ZMYND11: variants seen among roughly 807,000 people sequenced by gnomAD.
The protein encoded by ZMYND11 is zinc finger MYND domain-containing protein 11.
In ZMYND11, 9 loss-of-function variants were observed where a neutral mutation model predicts 84.9. That is an observed-to-expected ratio of 0.11 (90% CI 0.06 to 0.18). ZMYND11 has a LOEUF of 0.18. ZMYND11 is among the 10% of genes least tolerant of loss of function. The pLI is 1.00. For synonymous variants in ZMYND11, 250 were observed against 244.1 expected, an observed-to-expected ratio of 1.02 and a Z score of -0.23; for missense variants, 409 against 761.0, an observed-to-expected ratio of 0.54 and a Z score of 5.44.
intron 4 of ZMYND11, among the ~76,000 whole-genome samples, chr10:234,459 C>T (rs571699498): frequency 1.3e-5 from 2 of 152,322 alleles, no homozygotes; most frequent in East Asian, 1.9e-4. Context: ...TATATTTCAG[C>T]GCTACATAAC....
chr10:131,752 T>A (rs1835316992), upstream of ZMYND11, among the ~76,000 whole-genome samples: 1 of 152,006 alleles, frequency 6.6e-6, no homozygotes, highest in Non-Finnish European at 1.5e-5. Flanking sequence ...GTTCTCGAAC[T>A]CCTGGCCCCA....
chr10:217,085 C>G (rs1341385736), intron 3 of ZMYND11, among the ~76,000 whole-genome samples: 1 of 150,646 alleles, frequency 6.6e-6, no homozygotes, highest in East Asian at 2.0e-4. Context: ...TTAAAAATTG[C>G]TTTTGGATTA....
At position 249,819 on chromosome 10, in the gene ZMYND11, T is replaced by TA. The variant is rs1384242889; in HGVS notation, c.1686+732dup. 5 of 935,672 alleles carry TA rather than the reference T, an allele frequency of 5.3e-6. No homozygotes were observed. In the East Asian group the frequency reaches 4.7e-4, roughly 87 times the overall value. The allele number at this position is 935,672 out of a possible 1,614,324, so 58.0% of individuals were successfully genotyped here. A position where few individuals can be genotyped will look rare whatever the true frequency, so the allele number is the denominator to read the frequency against. ...ATTCTTCATTTTATCAAGCCTATAT[T>TA]ATATAAATACACATAAGCTTTTCAT... is the stretch of plus-strand genomic sequence containing the variant. On this transcript the variant is annotated intron_variant, in intron 14 of 14. Transcript: ENST00000381604.
chr10:240,017 A>G, intron 7 of ZMYND11, 39 bp from the exon 8 acceptor site: 1 of 1,547,478 alleles, frequency 6.5e-7, no homozygotes, highest in Non-Finnish European at 8.8e-7. Flanking sequence ...TTGTATTTGC[A>G]GACTATTGCT....
chr10:233,238 A>G (rs141120694), intron 4 of ZMYND11, among the ~76,000 whole-genome samples: 5 of 152,224 alleles, frequency 3.3e-5, no homozygotes, highest in African/African-American at 4.8e-5. Flanking sequence ...TCACACATAC[A>G]CTGACATGCA....
At chr10:228,641 C>A (rs1948513973) in intron 4 of ZMYND11, among the ~76,000 whole-genome samples, 1 of 152,210 alleles carries the variant, frequency 6.6e-6, no homozygotes, top group Non-Finnish European at 1.5e-5. Flanking sequence ...AAGACAGACA[C>A]ATTTAAGTTA....
At chr10:238,592 G>A (rs966686452) in intron 6 of ZMYND11, among the ~76,000 whole-genome samples, 99 of 152,186 alleles carry the variant, frequency 6.5e-4, no homozygotes, top group African/African-American at 2.3e-3. Context: ...TCCTGACCTC[G>A]TGATCTGCCC....
rs147360093 is a variant in ZMYND11, at chr10:245,716, C to T, written c.951-1050C>T. ...CCGAATAAAATGTTCTGACCACTCA[C>T]AACCAAATGTTAACTGTTCCTTTCC... On this transcript the variant is annotated intron_variant, in intron 10 of 14. Coordinates refer to ENST00000381604, the MANE Select transcript of ZMYND11 (RefSeq NM_001370100.5). Among the ~76,000 whole-genome samples, 903 of 152,304 alleles carry T rather than the reference C, an allele frequency of 5.9e-3. 3 individuals are homozygous for T. The highest frequency in any genetic ancestry group is 0.027 in the Middle Eastern group (8 of 294).
chr10:229,550 TC>T (rs1390740178), intron 4 of ZMYND11, among the ~76,000 whole-genome samples: 3 of 152,150 alleles, frequency 2.0e-5, no homozygotes, highest in African/African-American at 7.2e-5. Context: ...TGTGATTCGT[TC>T]CATAGGCAGA....
At chr10:250,743 ATTCT>A (rs1208768219) in intron 14 of ZMYND11, among the ~76,000 whole-genome samples, 2 of 152,176 alleles carry the variant, frequency 1.3e-5, no homozygotes, top group African/African-American at 4.8e-5. Context: ...AAGGGTTAGA[ATTCT>A]TTCTTCTCGG....
At chr10:188,533 G>A (rs554109275) in intron 2 of ZMYND11, among the ~76,000 whole-genome samples, 7 of 150,854 alleles carry the variant, frequency 4.6e-5, no homozygotes, top group South Asian at 2.1e-4. Context: ...GTTGAGTTAC[G>A]GTGAGCCATG....
intron 14 of ZMYND11, among the ~76,000 whole-genome samples, chr10:250,973 A>G (rs368638630): frequency 6.6e-6 from 1 of 150,972 alleles, no homozygotes; most frequent in South Asian, 2.1e-4. Flanking sequence ...AAATGAGCTG[A>G]GATTGTGCCA....
intron 6 of ZMYND11, among the ~76,000 whole-genome samples, chr10:238,728 T>C (rs1280810428): frequency 1.3e-5 from 2 of 152,162 alleles, no homozygotes; most frequent in African/African-American, 4.8e-5. Context: ...AATGAAGGTT[T>C]TTCCCTTAAA....
intron 1 of ZMYND11, among the ~76,000 whole-genome samples, chr10:159,214 C>G (rs1314258823): frequency 6.6e-6 from 1 of 150,514 alleles, no homozygotes; most frequent in Non-Finnish European, 1.5e-5. Context: ...ACAGATAGGG[C>G]TATGATAAAT....
chr10:154,748 AT>A (rs1554758211), intron 1 of ZMYND11: 1 of 152,242 alleles, frequency 6.6e-6, no homozygotes, highest in African/African-American at 2.4e-5. Context: ...TTTAATAGAT[AT>A]AAAGATGAAA....
chr10:216,210 C>A (rs573927342), intron 3 of ZMYND11, among the ~76,000 whole-genome samples: 2 of 152,154 alleles, frequency 1.3e-5, no homozygotes, highest in African/African-American at 2.4e-5. Flanking sequence ...CAAGCAGGGG[C>A]GCCCTTGCGT....
At chr10:152,314 G>A (rs1378412189) in intron 1 of ZMYND11, among the ~76,000 whole-genome samples, 4 of 152,144 alleles carry the variant, frequency 2.6e-5, no homozygotes, top group African/African-American at 9.7e-5. Flanking sequence ...CTATATTCAG[G>A]AGACCCATCT....
Position 237,570 on chromosome 10 carries a change from C to T in ZMYND11, c.517-15C>T. ...CTTTAACCACATTTAAATTGATGTA[C>T]TAACACCCTCTTAGGCTATAGATCT... On this transcript the variant is annotated splice_polypyrimidine_tract_variant and intron_variant, in intron 5 of 14. Coordinates refer to ENST00000381604, the MANE Select transcript of ZMYND11 (RefSeq NM_001370100.5). The T allele has an allele frequency of 3.2e-6, 5 of 1,553,974 alleles. No individual in the cohort carries two copies. The highest frequency in any genetic ancestry group is 2.3e-5 in the East Asian group (1 of 44,382).
chr10:169,090 C>T (rs1222795820), intron 1 of ZMYND11, among the ~76,000 whole-genome samples: 1 of 152,104 alleles, frequency 6.6e-6, no homozygotes, highest in Non-Finnish European at 1.5e-5. Context: ...CCTCAGGAGA[C>T]ATGGTATTAC....
Sources: allele counts gnomAD v4.1 joint callset (sites outside exome capture counted in the v4.1 genomes callset), GRCh38; gene constraint gnomAD v4.1.1; transcripts MANE v1.5; gene names NCBI Gene and HGNC (gene_info 2026-07-23, HGNC 2026-07-21).